HS6ST3: variants seen among roughly 807,000 people sequenced by gnomAD.
The protein encoded by HS6ST3 is heparan-sulfate 6-O-sulfotransferase 3.
Under a neutral mutation model 36.7 loss-of-function variants are expected in HS6ST3, and 12 were observed. That is an observed-to-expected ratio of 0.33 (90% CI 0.21 to 0.53). The LOEUF (loss-of-function observed/expected upper bound fraction) is 0.53, where lower values mean the gene tolerates loss of function less well. HS6ST3 is among the 20% of genes least tolerant of loss of function. The pLI is 0.95. For synonymous variants in HS6ST3, 240 were observed against 257.5 expected, an observed-to-expected ratio of 0.93 and a Z score of 0.65; for missense variants, 584 against 640.9, an observed-to-expected ratio of 0.91 and a Z score of 0.96.
At chr13:96,391,738 A>G (rs188123104) in intron 1 of HS6ST3, among the ~76,000 whole-genome samples, 2 of 152,138 alleles carry the variant, frequency 1.3e-5, no homozygotes, top group African/African-American at 4.8e-5. Context: ...AAACCATCAG[A>G]TCTTGTGAAA....
At chr13:96,657,132 T>C (rs371627018) in intron 1 of HS6ST3, among the ~76,000 whole-genome samples, 34 of 152,190 alleles carry the variant, frequency 2.2e-4, no homozygotes, top group African/African-American at 7.9e-4. Flanking sequence ...CCATCCCTAA[T>C]ATTTATTCAG....
At chr13:96,251,897 C>T (rs1360680608) in intron 1 of HS6ST3, among the ~76,000 whole-genome samples, 2 of 151,980 alleles carry the variant, frequency 1.3e-5, no homozygotes, top group Non-Finnish European at 1.5e-5. Context: ...TAGTTTCATA[C>T]CATTGTGGTC....
intron 1 of HS6ST3, among the ~76,000 whole-genome samples, chr13:96,703,927 A>AC (rs1457303762): frequency 6.6e-6 from 1 of 151,360 alleles, no homozygotes; most frequent in Non-Finnish European, 1.5e-5. Flanking sequence ...CCCTCTCCCC[A>AC]CCCCCACAAG....
chr13:96,173,386 A>C (rs2054197476), intron 1 of HS6ST3, among the ~76,000 whole-genome samples: 1 of 152,156 alleles, frequency 6.6e-6, no homozygotes, highest in Non-Finnish European at 1.5e-5. Context: ...CAAGGATAAA[A>C]TTATTAACAT....
chr13:96,757,529 A>G (rs1475446152), intron 1 of HS6ST3, among the ~76,000 whole-genome samples: 3 of 152,216 alleles, frequency 2.0e-5, no homozygotes, highest in African/African-American at 7.2e-5. Flanking sequence ...AAAATATTGA[A>G]TAAAATTGCT....
intron 1 of HS6ST3, among the ~76,000 whole-genome samples, chr13:96,128,340 G>A (rs901861080): frequency 2.0e-5 from 3 of 152,152 alleles, no homozygotes; most frequent in Admixed American, 6.6e-5. Flanking sequence ...AAGATTTGCC[G>A]ATTGTTTGTC....
intron 1 of HS6ST3, among the ~76,000 whole-genome samples, chr13:96,688,504 G>T (rs1594836590): frequency 6.6e-6 from 1 of 152,096 alleles, no homozygotes; most frequent in Non-Finnish European, 1.5e-5. Flanking sequence ...ATTGCTGCGT[G>T]CACCTTTGCA....
intron 1 of HS6ST3, among the ~76,000 whole-genome samples, chr13:96,265,998 A>T (rs1393743531): frequency 1.3e-5 from 2 of 152,170 alleles, no homozygotes; most frequent in African/African-American, 4.8e-5. Flanking sequence ...GGACTACTCC[A>T]TGAAGTAGGA....
intron 1 of HS6ST3, among the ~76,000 whole-genome samples, chr13:96,383,780 G>A (rs972470257): frequency 3.9e-5 from 6 of 152,210 alleles, no homozygotes; most frequent in African/African-American, 1.4e-4. Context: ...GCACAAGGTG[G>A]TGGGGAGCAG....
At chr13:96,096,660 G>C (rs761650242) in intron 1 of HS6ST3, among the ~76,000 whole-genome samples, 2 of 152,182 alleles carry the variant, frequency 1.3e-5, no homozygotes, top group Non-Finnish European at 2.9e-5. Context: ...TGTGTATTAG[G>C]TCGTCTGCTT....
At chr13:96,579,698 A>G (rs2056334776) in intron 1 of HS6ST3, among the ~76,000 whole-genome samples, 1 of 152,176 alleles carries the variant, frequency 6.6e-6, no homozygotes, top group Non-Finnish European at 1.5e-5. Context: ...TTCAAGAAAT[A>G]CCATTATTTT....
At chr13:96,724,447 T>C (rs1271098715) in intron 1 of HS6ST3, among the ~76,000 whole-genome samples, 1 of 152,182 alleles carries the variant, frequency 6.6e-6, no homozygotes, top group Admixed American at 6.5e-5. Context: ...AAGTCATCAT[T>C]ACAATCAAGA....
At chr13:96,496,546 A>G (rs1473145362) in intron 1 of HS6ST3, among the ~76,000 whole-genome samples, 1 of 152,118 alleles carries the variant, frequency 6.6e-6, no homozygotes, top group East Asian at 1.9e-4. Context: ...AGCTTGCCTC[A>G]TGGAGAGGCC....
chr13:96,694,824 G>A (rs515838), intron 1 of HS6ST3, among the ~76,000 whole-genome samples: 2,827 of 151,900 alleles, frequency 0.019, 88 homozygotes, highest in African/African-American at 0.063. Context: ...CTTTTTGGCC[G>A]TGTATATGTC....
intron 1 of HS6ST3, among the ~76,000 whole-genome samples, chr13:96,543,602 A>G (rs1037311966): frequency 1.3e-5 from 2 of 152,188 alleles, no homozygotes; most frequent in Non-Finnish European, 2.9e-5. Flanking sequence ...CAGAAACTTT[A>G]CTATTAATAT....
At chr13:96,649,956 G>T (rs1013908130) in intron 1 of HS6ST3, among the ~76,000 whole-genome samples, 4 of 151,780 alleles carry the variant, frequency 2.6e-5, no homozygotes, top group Non-Finnish European at 5.9e-5. Flanking sequence ...CTTGCTGTTT[G>T]CTGAACTTCA....
At chr13:96,123,564 C>T (rs1197767284) in intron 1 of HS6ST3, among the ~76,000 whole-genome samples, 1 of 152,176 alleles carries the variant, frequency 6.6e-6, no homozygotes, top group Non-Finnish European at 1.5e-5. Flanking sequence ...TATGTCAACT[C>T]ATGAGACCTT....
intron 1 of HS6ST3, among the ~76,000 whole-genome samples, chr13:96,433,103 C>T (rs1397901832): frequency 6.6e-6 from 1 of 152,114 alleles, no homozygotes; most frequent in Non-Finnish European, 1.5e-5. Context: ...TTCTCTCACT[C>T]TGTGTTCTTT....
At chr13:96,811,667 A>G (rs1038740547) in intron 1 of HS6ST3, among the ~76,000 whole-genome samples, 1 of 152,222 alleles carries the variant, frequency 6.6e-6, no homozygotes, top group African/African-American at 2.4e-5. Flanking sequence ...CTCATTAAAA[A>G]CAAATTAGAA....
Sources: allele counts gnomAD v4.1 joint callset (sites outside exome capture counted in the v4.1 genomes callset), GRCh38; gene constraint gnomAD v4.1.1; transcripts MANE v1.5; gene names NCBI Gene and HGNC (gene_info 2026-07-23, HGNC 2026-07-21).